Variants in MYO16 observed in about 807,000 individuals in gnomAD.
MYO16 encodes the protein myosin XVI.
MYO16 carries 94 observed loss-of-function variants against 205.3 expected under a neutral mutation model. That is an observed-to-expected ratio of 0.46 (90% confidence interval 0.39 to 0.54). MYO16 has a LOEUF of 0.54. Ranked by LOEUF, MYO16 falls within the 20% of genes least tolerant of loss-of-function variation. MYO16 has a pLI of 0.00. For synonymous variants in MYO16, 988 were observed against 954.0 expected (o/e 1.04, Z -0.66); for missense variants, 2,315 against 2,387.5 (o/e 0.97, Z 0.63).
At chr13:108,782,572 T>A (rs975294033) in intron 4 of MYO16, among the ~76,000 whole-genome samples, 1 of 152,178 alleles carries the variant, frequency 6.6e-6, no homozygotes, top group Non-Finnish European at 1.5e-5. Flanking sequence ...AGGAGCCTAA[T>A]GTTAATCCCC....
the MYO16 span, among the ~76,000 whole-genome samples, chr13:108,516,468 A>T: frequency 6.6e-6 from 1 of 152,110 alleles, no homozygotes; most frequent in Admixed American, 6.6e-5. Flanking sequence ...TGTAGACCGG[A>T]GCTGTTCCTA....
At chr13:109,000,463 A>G (rs1885177526) in intron 21 of MYO16, among the ~76,000 whole-genome samples, 1 of 152,200 alleles carries the variant, frequency 6.6e-6, no homozygotes, top group African/African-American at 2.4e-5. Context: ...AGAACCTCTA[A>G]ACTTTGCATT....
At chr13:108,619,334 C>T (rs948786657) in intron 1 of MYO16, among the ~76,000 whole-genome samples, 6 of 152,088 alleles carry the variant, frequency 3.9e-5, no homozygotes, top group Admixed American at 1.3e-4. Flanking sequence ...AGCTACTTCA[C>T]GAGACTCTAA....
chr13:109,082,037 A>G (rs1888296577), intron 27 of MYO16, among the ~76,000 whole-genome samples: 1 of 152,216 alleles, frequency 6.6e-6, no homozygotes, highest in African/African-American at 2.4e-5. Context: ...GTAGGCCCAC[A>G]AAGCCTGAAG....
At chr13:108,936,075 T>G (rs898741826) in intron 16 of MYO16, among the ~76,000 whole-genome samples, 2 of 151,574 alleles carry the variant, frequency 1.3e-5, no homozygotes, top group Non-Finnish European at 2.9e-5. Flanking sequence ...ATCAGGGATA[T>G]TGGCTATAGT....
the MYO16 span, among the ~76,000 whole-genome samples, chr13:108,562,479 G>T: frequency 6.6e-6 from 1 of 152,240 alleles, no homozygotes; most frequent in Non-Finnish European, 1.5e-5. Context: ...CATGCACACT[G>T]GTCCACCATT....
At chr13:109,169,002 C>T (rs992014661) in intron 33 of MYO16, among the ~76,000 whole-genome samples, 1 of 152,148 alleles carries the variant, frequency 6.6e-6, no homozygotes, top group Non-Finnish European at 1.5e-5. Context: ...GTTTCATATG[C>T]TTCATTCCAT....
At chr13:108,690,456 A>G (rs1232899350) in intron 2 of MYO16, among the ~76,000 whole-genome samples, 1 of 66,102 alleles carries the variant, frequency 1.5e-5, no homozygotes, top group Non-Finnish European at 2.8e-5. Flanking sequence ...AACATTGGGA[A>G]CAACATTTTC....
chr13:108,753,776 A>G, intron 4 of MYO16, among the ~76,000 whole-genome samples: 1 of 152,218 alleles, frequency 6.6e-6, no homozygotes, highest in East Asian at 1.9e-4. Context: ...ATTAGCTGGA[A>G]AAGAATCAAG....
chr13:109,141,245 C>T lies in MYO16; in HGVS notation c.5033C>T (p.Pro1678Leu), dbSNP rs116870463. Residue 1678 changes from proline (P) to leucine (L), a missense_variant, in exon 32 of 35, where the codon CCC (proline) becomes CTC (leucine). By Grantham distance (98) the Pro-to-Leu change is moderately conservative (BLOSUM62 -3). Coordinates refer to ENST00000457511, the MANE Select transcript of MYO16 (RefSeq NM_001198950.3). This position sits in a 1 kb window ranked among gnomAD's most constrained non-coding sequence, Gnocchi z 4.1. ...AGGAAGGCCGGCTCCAGTGCCTCGC[C>T]CCCCGCGCCCTACAGCCCTCCCAGC... ...DARKAGSSASPPAPYSPPSSR... is the reference protein window; with the variant it reads ...DARKAGSSASLPAPYSPPSSR... 1.2e-6 allele frequency: 2 copies of T among 1,606,580 alleles called. No individual in the cohort carries two copies. The highest frequency in any genetic ancestry group is 1.1e-5 in the South Asian group (1 of 90,600).
intron 28 of MYO16, among the ~76,000 whole-genome samples, chr13:109,117,280 A>T (rs1875740481): frequency 6.6e-6 from 1 of 151,632 alleles, no homozygotes; most frequent in South Asian, 2.1e-4. Flanking sequence ...TTCTAATCTG[A>T]ATTCATCCTG....
At chr13:109,022,834 A>G in intron 23 of MYO16, among the ~76,000 whole-genome samples, 1 of 134,972 alleles carries the variant, frequency 7.4e-6, no homozygotes. Flanking sequence ...ATATATAAAC[A>G]TAGTATATAT....
chr13:108,718,054 T>G (rs1226508399), intron 3 of MYO16, among the ~76,000 whole-genome samples: 2 of 152,166 alleles, frequency 1.3e-5, no homozygotes, highest in Admixed American at 6.5e-5. Flanking sequence ...ACCATCAGTT[T>G]CTCTAAAGGC....
chr13:108,632,045 T>C (rs1160058633), intron 1 of MYO16, among the ~76,000 whole-genome samples: 3 of 121,574 alleles, frequency 2.5e-5, no homozygotes, highest in East Asian at 2.4e-4. Flanking sequence ...GCCATTGCAC[T>C]CCAGCCTGGG....
chr13:108,592,226 G>T (rs1297212180), upstream of MYO16, among the ~76,000 whole-genome samples: 1 of 97,052 alleles, frequency 1.0e-5, no homozygotes, highest in Non-Finnish European at 2.1e-5. Context: ...TTGGGGTGGG[G>T]GGAGCTGTGT....
At chr13:108,533,451 C>G in the MYO16 span, among the ~76,000 whole-genome samples, 1 of 152,198 alleles carries the variant, frequency 6.6e-6, no homozygotes, top group Non-Finnish European at 1.5e-5. Flanking sequence ...GACCTAAAGA[C>G]TGAGTTCAGC....
intron 19 of MYO16, 105 bp downstream of exon 19, chr13:108,962,600 A>C (rs1883632119): frequency 2.5e-6 from 2 of 801,874 alleles, no homozygotes; most frequent in Non-Finnish European, 3.9e-6. Context: ...CTATGAATTG[A>C]ATGCCAAATG....
At chr13:108,714,186 G>A (rs1454142352) in intron 3 of MYO16, among the ~76,000 whole-genome samples, 1 of 152,092 alleles carries the variant, frequency 6.6e-6, no homozygotes, top group African/African-American at 2.4e-5. Context: ...CGCCTGAGTA[G>A]CTGGGACTAC....
intron 15 of MYO16, among the ~76,000 whole-genome samples, chr13:108,906,988 G>A (rs138145664): frequency 6.6e-4 from 101 of 152,244 alleles, no homozygotes; most frequent in African/African-American, 2.1e-3. Flanking sequence ...AAAATATTTG[G>A]CTATCCGAAT....
Sources: allele counts gnomAD v4.1 joint callset (sites outside exome capture counted in the v4.1 genomes callset), GRCh38; gene constraint gnomAD v4.1.1; non-coding constraint Gnocchi (gnomAD v3.1); transcripts MANE v1.5; gene names NCBI Gene and HGNC (gene_info 2026-07-23, HGNC 2026-07-21).